The following MYO16 variants were observed in gnomAD, a reference collection of about 807,000 sequenced individuals.
MYO16 encodes the protein myosin XVI, also known as unconventional myosin-XVI.
MYO16 carries 94 observed loss-of-function variants against 205.3 expected under a neutral mutation model. The ratio of observed to expected loss-of-function variants is 0.46; its 90% confidence interval spans 0.39 to 0.54. The LOEUF (loss-of-function observed/expected upper bound fraction) is 0.54, where lower values mean the gene tolerates loss of function less well. Ranked by LOEUF, MYO16 falls within the 20% of genes least tolerant of loss-of-function variation. The probability of loss-of-function intolerance (pLI) is 0.00; values close to 1 mark genes in which losing one functional copy is unlikely to be tolerated. For missense variants in MYO16, 2,315 were observed against 2,387.5 expected (o/e 0.97, Z 0.63); for synonymous variants, 988 against 954.0 (o/e 1.04, Z -0.66).
At chr13:108,744,309 A>G (rs986149566) in intron 4 of MYO16, among the ~76,000 whole-genome samples, 5 of 152,250 alleles carry the variant, frequency 3.3e-5, no homozygotes, top group South Asian at 2.1e-4. Flanking sequence ...ATCTTTTCAC[A>G]TACTTGCTAA....
At chr13:109,139,604 C>T (rs553752633) in intron 31 of MYO16, among the ~76,000 whole-genome samples, 64 of 152,324 alleles carry the variant, frequency 4.2e-4, no homozygotes, top group African/African-American at 1.4e-3. Flanking sequence ...TGCAGACTTG[C>T]GTCTTAAGAG....
chr13:108,952,613 C>T (rs1054125701), intron 16 of MYO16, among the ~76,000 whole-genome samples: 1 of 152,114 alleles, frequency 6.6e-6, no homozygotes, highest in Middle Eastern at 3.2e-3. Context: ...AGTTTTTATT[C>T]CTCTATAGCA....
chr13:108,554,239 TA>T, the MYO16 span, among the ~76,000 whole-genome samples: 1 of 122,280 alleles, frequency 8.2e-6, no homozygotes, highest in South Asian at 2.7e-4. Flanking sequence ...TGCTCTGCCT[TA>T]AAAAAAGAAA....
chr13:108,840,114 T>C (rs1392269730), intron 9 of MYO16, among the ~76,000 whole-genome samples: 4 of 152,202 alleles, frequency 2.6e-5, no homozygotes, highest in Non-Finnish European at 4.4e-5. Flanking sequence ...GACTTGAAAA[T>C]GCATGCCCAT....
intron 34 of MYO16, among the ~76,000 whole-genome samples, chr13:109,180,998 T>C (rs568689760): frequency 6.6e-6 from 1 of 152,082 alleles, no homozygotes; most frequent in Non-Finnish European, 1.5e-5. Context: ...TACAACACAA[T>C]GCTAGGCCAT....
intron 23 of MYO16, among the ~76,000 whole-genome samples, chr13:109,023,155 T>C (rs2139527518): frequency 7.7e-6 from 1 of 130,096 alleles, no homozygotes; most frequent in African/African-American, 2.8e-5. Flanking sequence ...TTATGTATTA[T>C]ATATACAAAT....
intron 21 of MYO16, among the ~76,000 whole-genome samples, chr13:108,996,409 A>T (rs538561251): frequency 6.6e-6 from 1 of 152,342 alleles, no homozygotes; most frequent in African/African-American, 2.4e-5. Flanking sequence ...TAATGTGCTA[A>T]ATTATGTATA....
chr13:108,946,428 A>C (rs1283641983), intron 16 of MYO16, among the ~76,000 whole-genome samples: 1 of 152,200 alleles, frequency 6.6e-6, no homozygotes, highest in Non-Finnish European at 1.5e-5. Flanking sequence ...TATACTGGGA[A>C]CCTATTGGGT....
At chr13:108,611,786 T>C (rs1448529279) in intron 1 of MYO16, among the ~76,000 whole-genome samples, 1 of 151,372 alleles carries the variant, frequency 6.6e-6, no homozygotes, top group Non-Finnish European at 1.5e-5. Context: ...CTCCAACTTG[T>C]AAATTGAAAA....
rs529601867 is a variant in MYO16, at chr13:108,862,438, A to G, written c.1360-3739A>G. ...CAAGGCTACCATATTACCCATGTGGAAAAGATTTCACAATTGTGAAGGAGG... is the reference window on the plus strand; with the variant it reads ...CAAGGCTACCATATTACCCATGTGGGAAAGATTTCACAATTGTGAAGGAGG... On this transcript the variant is annotated intron_variant, in intron 11 of 34. Transcript: ENST00000457511. Among the ~76,000 whole-genome samples, 19 of 152,238 alleles carry G rather than the reference A, an allele frequency of 1.2e-4. No homozygotes were observed. In the South Asian group the frequency reaches 3.7e-3, roughly 30 times the overall value.
chr13:108,753,553 A>C (rs1885323143), intron 4 of MYO16, among the ~76,000 whole-genome samples: 1 of 152,192 alleles, frequency 6.6e-6, no homozygotes, highest in Non-Finnish European at 1.5e-5. Flanking sequence ...ATATGATCTC[A>C]GTAATAACAT....
At chr13:109,136,635 T>G (rs919598) in intron 31 of MYO16, among the ~76,000 whole-genome samples, 1 of 152,186 alleles carries the variant, frequency 6.6e-6, no homozygotes, top group African/African-American at 2.4e-5. Flanking sequence ...ATTTTCCACA[T>G]GACTGTAGGT....
chr13:109,177,681 G>A (rs1204915600), intron 33 of MYO16, among the ~76,000 whole-genome samples: 7 of 151,918 alleles, frequency 4.6e-5, no homozygotes, highest in Non-Finnish European at 8.8e-5. Context: ...CCGTGCCCGG[G>A]TAATTTTGTA....
chr13:108,876,745 C>T (rs1173236972), intron 12 of MYO16, among the ~76,000 whole-genome samples: 1 of 150,658 alleles, frequency 6.6e-6, no homozygotes, highest in South Asian at 2.1e-4. Context: ...TGGCTCACTG[C>T]AACCTCTGCC....
chr13:109,062,541 G>A (rs1594512620), intron 27 of MYO16, among the ~76,000 whole-genome samples: 1 of 152,166 alleles, frequency 6.6e-6, no homozygotes, highest in East Asian at 1.9e-4. Context: ...ATCTGTAATG[G>A]CATATCAGTG....
At chr13:108,795,398 C>G (rs184045463) in intron 6 of MYO16, among the ~76,000 whole-genome samples, 2 of 151,896 alleles carry the variant, frequency 1.3e-5, no homozygotes, top group African/African-American at 4.8e-5. Flanking sequence ...TTATTAGAGA[C>G]GGGGTTTCAC....
At chr13:108,558,396 T>C in the MYO16 span, among the ~76,000 whole-genome samples, 3 of 152,326 alleles carry the variant, frequency 2.0e-5, no homozygotes, top group South Asian at 4.1e-4. Context: ...CTTCCTTAGG[T>C]CTGCTTTGAA....
At chr13:108,596,788 T>C (rs959876069) in intron 1 of MYO16, among the ~76,000 whole-genome samples, 2 of 152,198 alleles carry the variant, frequency 1.3e-5, no homozygotes, top group African/African-American at 4.8e-5. Context: ...GTAAAAACAG[T>C]GTATCTAGGT....
intron 21 of MYO16, among the ~76,000 whole-genome samples, chr13:109,001,096 T>C (rs1248488332): frequency 1.3e-5 from 2 of 151,340 alleles, no homozygotes; most frequent in Admixed American, 1.3e-4. Context: ...ATTTGTTATA[T>C]ATACTTTAAT....
Sources: allele counts gnomAD v4.1 joint callset (sites outside exome capture counted in the v4.1 genomes callset), GRCh38; gene constraint gnomAD v4.1.1; transcripts MANE v1.5; gene names NCBI Gene and HGNC (gene_info 2026-07-23, HGNC 2026-07-21).